DGKB: variants seen among roughly 807,000 people sequenced by gnomAD.
The protein encoded by DGKB is 90 kDa diacylglycerol kinase.
A neutral mutation model predicts 114.3 loss-of-function variants in DGKB; 67 were observed. That is an observed-to-expected ratio of 0.59 (90% confidence interval 0.48 to 0.72). DGKB has a LOEUF of 0.72. DGKB is among the 30% of genes least tolerant of loss of function. DGKB has a pLI of 0.00. For missense variants in DGKB, 907 were observed against 975.2 expected, an observed-to-expected ratio of 0.93 and a Z score of 0.93; for synonymous variants, 398 against 323.1, an observed-to-expected ratio of 1.23 and a Z score of -2.49.
chr7:14,192,110 G>T, intron 23 of DGKB: 1 of 374,628 alleles, frequency 2.7e-6, no homozygotes, highest in Non-Finnish European at 5.2e-6. Context: ...ATGGTGGAAA[G>T]GTCACCAGAG....
chr7:14,710,037 A>G (rs915724112), intron 6 of DGKB, among the ~76,000 whole-genome samples: 1 of 152,070 alleles, frequency 6.6e-6, no homozygotes, highest in African/African-American at 2.4e-5. Context: ...CCTATTACAA[A>G]ACAAAATGAA....
chr7:14,581,832 T>G (rs949732452), intron 18 of DGKB, among the ~76,000 whole-genome samples: 1 of 152,140 alleles, frequency 6.6e-6, no homozygotes, highest in Non-Finnish European at 1.5e-5. Flanking sequence ...TCCTTACAAG[T>G]CCTCAGATAC....
intron 13 of DGKB, among the ~76,000 whole-genome samples, chr7:14,660,452 C>A (rs1372286271): frequency 1.3e-5 from 2 of 151,886 alleles, no homozygotes; most frequent in South Asian, 2.1e-4. Context: ...TCTTAGGAGA[C>A]TGTATGTGTC....
At chr7:14,611,061 T>G (rs1343198326) in intron 16 of DGKB, among the ~76,000 whole-genome samples, 1 of 152,118 alleles carries the variant, frequency 6.6e-6, no homozygotes, top group Non-Finnish European at 1.5e-5. Context: ...GTTGACACCC[T>G]GCCATTTCAC....
At chr7:14,656,117 G>A (rs557252385) in intron 13 of DGKB, among the ~76,000 whole-genome samples, 5 of 151,474 alleles carry the variant, frequency 3.3e-5, no homozygotes, top group African/African-American at 7.3e-5. Context: ...TTTCATACAG[G>A]CATCAAAATA....
upstream of DGKB, among the ~76,000 whole-genome samples, chr7:14,904,281 G>C (rs1237674694): frequency 6.6e-6 from 1 of 151,918 alleles, no homozygotes; most frequent in Non-Finnish European, 1.5e-5. Context: ...TCAGCCTCCA[G>C]TTGTCTGAGC....
chr7:14,238,592 A>C (rs1793172053), intron 23 of DGKB, among the ~76,000 whole-genome samples: 2 of 76,846 alleles, frequency 2.6e-5, no homozygotes, highest in Admixed American at 1.2e-4. Flanking sequence ...TAAAAATAAA[A>C]CAGCAATGAT....
chr7:14,736,372 T>G lies in DGKB; in HGVS notation c.169-178A>C, dbSNP rs1241392205. On this transcript the variant is annotated intron_variant, in intron 4 of 25. Coordinates refer to ENST00000402815, the MANE Select transcript of DGKB (RefSeq NM_001350709.2). ...GGCCGTCCTGGGCTAACACTGGCAA[T>G]GGGATATGTTTGTCTTACCTGTGAT... Among the ~76,000 whole-genome samples the G allele has an allele frequency of 3.3e-5, 5 of 152,248 alleles. No individual in the cohort carries two copies. The East Asian group carries it at 9.7e-4, about 29-fold the overall frequency.
At chr7:14,970,343 C>A (rs950176669) in intron 1 of DGKB, among the ~76,000 whole-genome samples, 2 of 151,604 alleles carry the variant, frequency 1.3e-5, no homozygotes, top group African/African-American at 4.8e-5. Flanking sequence ...GGGAACTAGA[C>A]AATATAGCAA....
chr7:14,682,971 AAGG>A, intron 10 of DGKB, 130 bp from the exon 11 acceptor site: 3 of 663,156 alleles, frequency 4.5e-6, no homozygotes, highest in East Asian at 2.7e-5. Context: ...CAGCCACATC[AAGG>A]AGAAGTCCAA....
intron 1 of DGKB, among the ~76,000 whole-genome samples, chr7:14,886,405 A>G (rs991626313): frequency 5.9e-5 from 9 of 151,838 alleles, no homozygotes; most frequent in Non-Finnish European, 1.2e-4. Flanking sequence ...AGTCCTTCAT[A>G]TTCAACATGT....
intron 23 of DGKB, among the ~76,000 whole-genome samples, chr7:14,311,790 T>G (rs1458999776): frequency 6.6e-6 from 1 of 152,202 alleles, no homozygotes; most frequent in African/African-American, 2.4e-5. Context: ...TTACAATGTT[T>G]CCGTATTTTT....
chr7:14,620,311 A>C (rs980183717), intron 15 of DGKB, among the ~76,000 whole-genome samples: 12 of 151,340 alleles, frequency 7.9e-5, no homozygotes, highest in African/African-American at 2.9e-4. Flanking sequence ...TTTTAGATAA[A>C]AAACAAACAG....
intron 17 of DGKB, among the ~76,000 whole-genome samples, chr7:14,590,596 C>A (rs999186328): frequency 6.6e-6 from 1 of 152,092 alleles, no homozygotes; most frequent in Non-Finnish European, 1.5e-5. Context: ...TTTGACCTCT[C>A]TTTATCTCAA....
intron 1 of DGKB, among the ~76,000 whole-genome samples, chr7:14,930,785 G>T (rs1479157659): frequency 6.6e-6 from 1 of 152,084 alleles, no homozygotes; most frequent in Non-Finnish European, 1.5e-5. Flanking sequence ...ACTTGTTCCA[G>T]TTCTTAGAGG....
chr7:14,350,981 A>T (rs2128605702), intron 21 of DGKB, among the ~76,000 whole-genome samples: 1 of 152,248 alleles, frequency 6.6e-6, no homozygotes, highest in South Asian at 2.1e-4. Context: ...GTTTTAAAAT[A>T]ATTTTCTCAT....
intron 21 of DGKB, among the ~76,000 whole-genome samples, chr7:14,351,573 G>A (rs1813432049): frequency 6.6e-6 from 1 of 152,192 alleles, no homozygotes; most frequent in Non-Finnish European, 1.5e-5. Context: ...TCCTGGCCCA[G>A]TTGAATAAAA....
In DGKB at chr7:14,832,402, A is replaced by G. The variant is rs184929238; in HGVS notation, c.70+8792T>C. Among the ~76,000 whole-genome samples the G allele has an allele frequency of 1.2e-3, 190 of 152,042 alleles. 1 individual carries two copies. Among genetic ancestry groups the G allele is most frequent in the African/African-American group, 4.1e-3 (169 of 41,504 alleles). On this transcript the variant is annotated intron_variant, in intron 2 of 25. Transcript: ENST00000402815. Reference sequence around the variant, plus strand: ...AGAAGAACAAAATCCCTCTATTTACACTGTTTACTTTAGTTATAATCCTTC... The same window carrying G: ...AGAAGAACAAAATCCCTCTATTTACGCTGTTTACTTTAGTTATAATCCTTC...
At chr7:14,794,578 T>C (rs1000774186) in intron 2 of DGKB, among the ~76,000 whole-genome samples, 6 of 152,132 alleles carry the variant, frequency 3.9e-5, no homozygotes, top group African/African-American at 4.8e-5. Context: ...GGAGCTTCCA[T>C]GTATGCCCTG....
Sources: gnomAD v4.1 joint callset for allele counts (sites outside exome capture counted in the v4.1 genomes callset) on GRCh38, gnomAD v4.1.1 for gene constraint, MANE v1.5 for transcripts, NCBI Gene and HGNC (gene_info 2026-07-23, HGNC 2026-07-21) for gene names.